The following PHF24 variants were observed in gnomAD, a reference collection of about 807,000 sequenced individuals.
PHF24 encodes the protein PHD finger protein 24.
PHF24 carries 25 observed loss-of-function variants against 42.6 expected under a neutral mutation model. The ratio of observed to expected loss-of-function variants is 0.59; its 90% confidence interval spans 0.43 to 0.82. PHF24 has a LOEUF of 0.82. Among genes scored for constraint, PHF24 ranks in the 40% least tolerant of loss-of-function variants. The pLI, the probability that PHF24 is intolerant of heterozygous loss-of-function variation, is 0.00. For missense variants in PHF24, 470 were observed against 538.1 expected (o/e 0.87, Z 1.25); for synonymous variants, 185 against 204.8 (o/e 0.90, Z 0.83).
the PHF24 span, among the ~76,000 whole-genome samples, chr9:34,875,199 A>G: frequency 6.6e-6 from 1 of 152,186 alleles, no homozygotes; most frequent in African/African-American, 2.4e-5. Context: ...AAAAGTGAGA[A>G]TATACTATCA....
At chr9:34,947,967 G>C in the PHF24 span, among the ~76,000 whole-genome samples, 3 of 151,860 alleles carry the variant, frequency 2.0e-5, no homozygotes, top group African/African-American at 7.3e-5. Flanking sequence ...AAATTAGCCG[G>C]GCATGGTGGC....
chr9:34,898,427 T>C, the PHF24 span, among the ~76,000 whole-genome samples: 2 of 152,192 alleles, frequency 1.3e-5, no homozygotes, highest in African/African-American at 4.8e-5. Context: ...ACGTTTTTCT[T>C]AAATGTCCTT....
the PHF24 span, among the ~76,000 whole-genome samples, chr9:34,930,433 C>T: frequency 1.3e-5 from 2 of 152,136 alleles, no homozygotes; most frequent in African/African-American, 4.8e-5. Flanking sequence ...AAGGAGGCAC[C>T]CAGAATCCTG....
the PHF24 span, among the ~76,000 whole-genome samples, chr9:34,845,234 T>C: frequency 6.6e-6 from 1 of 152,214 alleles, no homozygotes; most frequent in East Asian, 1.9e-4. Context: ...AGTGATTCTC[T>C]TGCAGGCAGC....
upstream of PHF24, chr9:34,958,301 C>G (rs919922881): frequency 4.6e-5 from 7 of 150,740 alleles, no homozygotes; most frequent in East Asian, 1.4e-3. This position sits in a 1 kb window ranked among gnomAD's most constrained non-coding sequence, Gnocchi z 4.5. Flanking sequence ...TGCCGGCGCT[C>G]GGCCCAGCAC....
intron 1 of PHF24, among the ~76,000 whole-genome samples, chr9:34,959,294 G>A (rs1380038671): frequency 6.6e-6 from 1 of 152,090 alleles, no homozygotes; most frequent in Non-Finnish European, 1.5e-5. Context: ...AGGATGTATG[G>A]GATTGTTGAG....
At chr9:34,821,469 A>AT in the PHF24 span, among the ~76,000 whole-genome samples, 1 of 152,124 alleles carries the variant, frequency 6.6e-6, no homozygotes, top group Admixed American at 6.5e-5. Flanking sequence ...CACAGGACAG[A>AT]TTTTTATAGG....
chr9:34,831,156 G>A, the PHF24 span, among the ~76,000 whole-genome samples: 1 of 152,146 alleles, frequency 6.6e-6, no homozygotes, highest in African/African-American at 2.4e-5. Context: ...AATGCAGTGG[G>A]ACACAATGAA....
At chr9:34,894,311 T>G in the PHF24 span, 8 of 395,558 alleles carry the variant, frequency 2.0e-5, no homozygotes, top group Admixed American at 1.3e-4. Context: ...TCTCAACTAG[T>G]GAACCAGCCT....
chr9:34,918,404 T>A, the PHF24 span: 1 of 515,890 alleles, frequency 1.9e-6, no homozygotes, highest in East Asian at 3.2e-5. Flanking sequence ...AATACCAAGG[T>A]CTTTAAAAAA....
intron 2 of PHF24, 100 bp downstream of exon 2, chr9:34,971,776 T>C: frequency 2.9e-6 from 4 of 1,356,642 alleles, no homozygotes; most frequent in Non-Finnish European, 4.0e-6. Context: ...ACCGGAAAAA[T>C]GGAGCTGAGT....
At chr9:34,834,507 G>C in the PHF24 span, 2 of 1,551,436 alleles carry the variant, frequency 1.3e-6, no homozygotes, top group African/African-American at 1.4e-5. Context: ...CGAATCGACT[G>C]TTTCTGGATG....
At chr9:34,823,175 C>A in the PHF24 span, among the ~76,000 whole-genome samples, 436 of 129,094 alleles carry the variant, frequency 3.4e-3, 1 homozygote, top group African/African-American at 0.012. Context: ...CGCAGTCCGG[C>A]CTGGGCGACA....
At chr9:34,911,842 T>C in the PHF24 span, among the ~76,000 whole-genome samples, 1 of 152,234 alleles carries the variant, frequency 6.6e-6, no homozygotes, top group African/African-American at 2.4e-5. Context: ...AAGTAGCAGT[T>C]GGCTGTGAAG....
the PHF24 span, chr9:34,724,450 A>G: frequency 3.9e-6 from 6 of 1,551,398 alleles, no homozygotes; most frequent in Middle Eastern, 1.7e-4. Context: ...TTAGACTTTC[A>G]AGAGACTTCT....
At chr9:34,834,074 G>A in the PHF24 span, 1 of 1,543,594 alleles carries the variant, frequency 6.5e-7, no homozygotes, top group African/African-American at 1.4e-5. Flanking sequence ...CTGATCAAGG[G>A]CCGTTGGCAT....
the PHF24 span, among the ~76,000 whole-genome samples, chr9:34,738,637 C>T: frequency 6.6e-6 from 1 of 152,330 alleles, no homozygotes; most frequent in African/African-American, 2.4e-5. Flanking sequence ...TAAGCCACCA[C>T]GCCCTGCCTA....
At chr9:34,897,201 T>A in the PHF24 span, among the ~76,000 whole-genome samples, 1 of 152,148 alleles carries the variant, frequency 6.6e-6, no homozygotes, top group Admixed American at 6.6e-5. Flanking sequence ...TGATCCTTCC[T>A]CCAGCATTAG....
At chr9:34,959,933 G>T (rs1020565981) in intron 1 of PHF24, among the ~76,000 whole-genome samples, 3 of 152,170 alleles carry the variant, frequency 2.0e-5, no homozygotes, top group African/African-American at 7.2e-5. Flanking sequence ...GTGGACAATG[G>T]TCCACAGATA....
Sources: allele counts gnomAD v4.1 joint callset (sites outside exome capture counted in the v4.1 genomes callset), GRCh38; gene constraint gnomAD v4.1.1; non-coding constraint Gnocchi (gnomAD v3.1); transcripts MANE v1.5; gene names NCBI Gene and HGNC (gene_info 2026-07-23, HGNC 2026-07-21).